The following UTP6 variants were observed in gnomAD, a reference collection of about 807,000 sequenced individuals.
The protein encoded by UTP6 is UTP6 small subunit processome component, also known as U3 small nucleolar RNA-associated protein 6 homolog.
Under a neutral mutation model 96.5 loss-of-function variants are expected in UTP6, and 60 were observed. The observed-to-expected ratio is 0.62, with a 90% CI of 0.51 to 0.77. UTP6 has a LOEUF of 0.77. Among genes scored for constraint, UTP6 ranks in the 30% least tolerant of loss-of-function variants. The probability of loss-of-function intolerance (pLI) is 0.00; values close to 1 mark genes in which losing one functional copy is unlikely to be tolerated. For missense variants in UTP6, 637 were observed against 706.5 expected (o/e 0.90, Z 1.12); for synonymous variants, 215 against 240.1 (o/e 0.90, Z 0.96).
Position 31,868,119 on chromosome 17 carries a change from A to G in UTP6, c.1497-7T>C. 1 of 1,610,538 alleles carries G rather than the reference A, an allele frequency of 6.2e-7. No individual in the cohort carries two copies. The highest frequency in any genetic ancestry group is 1.7e-4 in the Middle Eastern group (1 of 6,044). ...TGGTCGGCTCTCCTGTAAACTAAAA[A>G]GGAAGGAGAAAACGTTATCTTCAAC... is the stretch of plus-strand genomic sequence containing the variant. On this transcript the variant is annotated splice_polypyrimidine_tract_variant and splice_region_variant and intron_variant, in intron 16 of 18. Transcript: ENST00000261708.
intron 8 of UTP6, chr17:31,886,750 TTC>T (rs1177287547): frequency 2.0e-5 from 3 of 152,924 alleles, no homozygotes; most frequent in Non-Finnish European, 4.4e-5. Flanking sequence ...CTTTTAATTA[TTC>T]TGTCATATAA....
intron 6 of UTP6, among the ~76,000 whole-genome samples, chr17:31,891,270 T>C (rs1325577135): frequency 6.6e-6 from 1 of 152,196 alleles, no homozygotes; most frequent in Non-Finnish European, 1.5e-5. Context: ...GTAGAAGCCA[T>C]GCCCATCCAT....
chr17:31,861,276 T>A lies in UTP6; in HGVS notation c.*2083A>T, dbSNP rs1909550013. The A allele has an allele frequency of 6.6e-6, 1 of 151,786 alleles. No individual in the cohort carries two copies. The highest frequency in any genetic ancestry group is 6.6e-5 in the Admixed American group (1 of 15,224). The allele number at this position is 151,786 out of a possible 1,614,324, so 9.4% of individuals were successfully genotyped here. ...ACAAACAAGGCTGGGGGTAAAATTA[T>A]TTGCAACAAATGAGAAACAAGATAT... On this transcript the variant is annotated 3_prime_UTR_variant, in exon 19 of 19. Transcript: ENST00000261708.
intron 16 of UTP6, among the ~76,000 whole-genome samples, chr17:31,871,193 C>T (rs970034196): frequency 2.0e-4 from 30 of 151,770 alleles, no homozygotes; most frequent in South Asian, 4.2e-4. Flanking sequence ...GGGGTTTCAT[C>T]GTGTTAGCCA....
chr17:31,878,810 C>G, intron 11 of UTP6, 29 bp from the exon 12 acceptor site: 1 of 1,600,046 alleles, frequency 6.2e-7, no homozygotes, highest in Non-Finnish European at 8.6e-7. Context: ...TTGTGTTGAT[C>G]AGATCACTTA....
At chr17:31,895,798 T>G (rs190930350) in intron 2 of UTP6, among the ~76,000 whole-genome samples, 5 of 152,116 alleles carry the variant, frequency 3.3e-5, no homozygotes, top group African/African-American at 1.2e-4. Context: ...CCTCCCAAAG[T>G]GCTGGGATTA....
chr17:31,882,371 A>C (rs1395017044), intron 10 of UTP6, among the ~76,000 whole-genome samples: 1 of 147,384 alleles, frequency 6.8e-6, no homozygotes, highest in African/African-American at 2.5e-5. Flanking sequence ...ACCAGGATGG[A>C]GTGCAGTGGG....
chr17:31,896,837 T>C (rs1330250833), intron 2 of UTP6, among the ~76,000 whole-genome samples: 2 of 152,096 alleles, frequency 1.3e-5, no homozygotes, highest in African/African-American at 4.8e-5. Flanking sequence ...GGGTTTGCCA[T>C]GTTGCCTAGG....
chr17:31,874,827 G>C (rs1406117487), intron 14 of UTP6, among the ~76,000 whole-genome samples: 2 of 151,702 alleles, frequency 1.3e-5, no homozygotes, highest in African/African-American at 2.4e-5. Context: ...AGCTACTCGG[G>C]AGGCTGAGGC....
At position 31,873,493 on chromosome 17, in the gene UTP6, A is replaced by G. The variant is rs772755684; in HGVS notation, c.1387-6T>C. On this transcript the variant is annotated splice_region_variant and splice_polypyrimidine_tract_variant and intron_variant, in intron 15 of 18. Transcript: ENST00000261708. Reference sequence around the variant, plus strand: ...ATGACAGCTAAGAGAGCTTTCTACAATTTAAAAGAAAAAAGAAAGAAGCTA... The same window carrying G: ...ATGACAGCTAAGAGAGCTTTCTACAGTTTAAAAGAAAAAAGAAAGAAGCTA... 5.6e-6 allele frequency: 9 copies of G among 1,608,350 alleles called. No individual in the cohort carries two copies. Among genetic ancestry groups the G allele is most frequent in the East Asian group, 2.2e-5 (1 of 44,866 alleles).
At position 31,878,725 on chromosome 17, in the gene UTP6, T is replaced by C. The variant is rs749419856; in HGVS notation, c.1024A>G (p.Asn342Asp). The C allele has an allele frequency of 4.3e-6, 7 of 1,614,178 alleles. No homozygotes were observed. The highest frequency in any genetic ancestry group is 5.9e-6 in the Non-Finnish European group (7 of 1,180,036). ...ACCTTCCCTCTAAGGAACCCACTAT[T>C]TGACTTCTTAGTAAATCTTTCCAAG... ...FCLERFTKKS[N>D]SGFLRGKRLE... The change falls in exon 12 of 19, where the codon AAT becomes GAT. Residue 342 changes from asparagine to aspartate, a missense_variant. Physicochemically the swap from Asn to Asp is conservative, Grantham distance 23 (BLOSUM62 1). Transcript: ENST00000261708.
chr17:31,865,090 C>T (rs190038386), intron 18 of UTP6, among the ~76,000 whole-genome samples: 1 of 152,224 alleles, frequency 6.6e-6, no homozygotes, highest in Non-Finnish European at 1.5e-5. Context: ...ATAATCTCAG[C>T]TCACTGCAAC....
At position 31,873,912 on chromosome 17, in the gene UTP6, C is replaced by T; in HGVS notation, c.1306-159G>A. 3 of 701,120 alleles carry T rather than the reference C, an allele frequency of 4.3e-6. 1 individual carries two copies. In the Admixed American group the frequency reaches 1.0e-4, roughly 24 times the overall value. 43.4% of individuals were successfully genotyped at this position (701,120 alleles called of 1,614,324 possible). A position where few individuals can be genotyped will look rare whatever the true frequency, so the allele number is the denominator to read the frequency against. On this transcript the variant is annotated intron_variant, in intron 14 of 18. Transcript: ENST00000261708. ...AACTAGTTAAAAAGGCAGGTTCCTC[C>T]TAAGATAATCAACATGTAAAATAGG...
At position 31,875,393 on chromosome 17, in the gene UTP6, A is replaced by G. The variant is rs1214273836; in HGVS notation, c.1146T>C (p.Tyr382=). ...CTTCCAGAGCTTCCCTCAGGAAGTT[A>G]TAACACAGCAACGAAACACTCTAGA... The part of the protein sequence containing the change: ...YKQLSVSLLC[Y]NFLREALEVA... Residue 382 remains tyrosine, a synonymous_variant, in exon 14 of 19, where the codon TAT becomes TAC. Coordinates refer to ENST00000261708, the MANE Select transcript of UTP6 (RefSeq NM_018428.3). The G allele has an allele frequency of 6.2e-6, 10 of 1,614,030 alleles. No homozygotes were observed. Among genetic ancestry groups the G allele is most frequent in the Admixed American group, 5.0e-5 (3 of 59,958 alleles).
intron 8 of UTP6, 58 bp downstream of exon 8, chr17:31,887,178 G>T: frequency 6.9e-7 from 1 of 1,439,382 alleles, no homozygotes; most frequent in Non-Finnish European, 9.7e-7. Context: ...TTACTCCTAA[G>T]CAGGCTCAAA....
chr17:31,873,124 G>A, intron 16 of UTP6: 2 of 339,014 alleles, frequency 5.9e-6, no homozygotes, highest in Non-Finnish European at 5.4e-6. Flanking sequence ...CGTGGTGGCA[G>A]GTGCCTGTAA....
At chr17:31,894,880 A>G in intron 3 of UTP6, 90 bp downstream of exon 3, 1 of 1,338,120 alleles carries the variant, frequency 7.5e-7, no homozygotes, top group Non-Finnish European at 1.1e-6. Flanking sequence ...CAGTTTTATC[A>G]ACACTGTCTC....
intron 1 of UTP6, among the ~76,000 whole-genome samples, chr17:31,900,325 T>C (rs1310259106): frequency 6.6e-6 from 1 of 152,134 alleles, no homozygotes; most frequent in African/African-American, 2.4e-5. Context: ...TTTTTCTCGC[T>C]CTGTCGCCCA....
Position 31,868,076 on chromosome 17 carries a change from GA to G in UTP6, c.1532del (p.Phe511SerfsTer4), listed in dbSNP as rs1198916973. 3 of 1,613,240 alleles carry G rather than the reference GA, an allele frequency of 1.9e-6. No individual in the cohort carries two copies. The highest frequency in any genetic ancestry group is 1.3e-5 in the African/African-American group (1 of 74,878). On this transcript the variant is annotated frameshift_variant, in exon 17 of 19. Transcript: ENST00000261708. LOFTEE classifies it high-confidence loss of function. ...CCTTTTCAAACTGAATCATTTTCCT[GA>G]AAAAGTCAACTGAAAATGGTCGGCT... is the stretch of plus-strand genomic sequence containing the variant. The part of the protein sequence containing the change: ...QESRPFSVDF[F>X]RKMIQFEKEQ...
Sources: gnomAD v4.1 joint callset for allele counts (sites outside exome capture counted in the v4.1 genomes callset) on GRCh38, gnomAD v4.1.1 for gene constraint, MANE v1.5 for transcripts, NCBI Gene and HGNC (gene_info 2026-07-23, HGNC 2026-07-21) for gene names.